The following SBF2 variants were observed in gnomAD, a reference collection of about 807,000 sequenced individuals.
SBF2 encodes myotubularin-related protein 13.
A neutral mutation model predicts 225.2 loss-of-function variants in SBF2; 112 were observed. The observed-to-expected ratio is 0.50, with a 90% CI of 0.43 to 0.58. The LOEUF is 0.58. SBF2 is among the 20% of genes least tolerant of loss of function. SBF2 has a pLI of 0.00. For synonymous variants in SBF2, 763 were observed against 773.3 expected (o/e 0.99, Z 0.22); for missense variants, 1,996 against 2,206.2 (o/e 0.90, Z 1.91).
At chr11:9,849,930 T>C (rs541405489) in intron 22 of SBF2, 93 bp downstream of exon 22, 3 of 1,244,964 alleles carry the variant, frequency 2.4e-6, no homozygotes, top group East Asian at 2.3e-5. Context: ...TGACTTTGGA[T>C]TTAAAATGAT....
At chr11:10,190,937 A>G in intron 2 of SBF2, among the ~76,000 whole-genome samples, 1 of 152,202 alleles carries the variant, frequency 6.6e-6, no homozygotes, top group South Asian at 2.1e-4. Context: ...ACTAAGAGTC[A>G]AAAGATCAGG....
chr11:9,993,202 G>T, intron 10 of SBF2, 99 bp from the exon 11 acceptor site: 2 of 813,488 alleles, frequency 2.5e-6, no homozygotes, highest in Non-Finnish European at 2.0e-6. Context: ...CAAGTCCTTT[G>T]ATTTTTATAT....
chr11:10,225,533 A>C (rs1482680179), intron 1 of SBF2, among the ~76,000 whole-genome samples: 2 of 152,138 alleles, frequency 1.3e-5, no homozygotes, highest in Admixed American at 6.5e-5. Context: ...GCTATTATAA[A>C]TAGAAATTTA....
intron 17 of SBF2, among the ~76,000 whole-genome samples, chr11:9,883,456 G>A (rs1451203592): frequency 6.6e-6 from 1 of 152,066 alleles, no homozygotes; most frequent in East Asian, 1.9e-4. Context: ...CTAGTCTATG[G>A]ATTGACTGAT....
intron 6 of SBF2, among the ~76,000 whole-genome samples, chr11:10,028,087 T>A (rs942163729): frequency 9.9e-5 from 15 of 152,072 alleles, no homozygotes; most frequent in Admixed American, 5.2e-4. Context: ...TGTTTTAAAA[T>A]TTTTTCTGTA....
At chr11:10,262,498 A>G (rs1229117812) in intron 1 of SBF2, among the ~76,000 whole-genome samples, 5 of 152,164 alleles carry the variant, frequency 3.3e-5, no homozygotes, top group African/African-American at 9.7e-5. Flanking sequence ...ACCTGGCAAT[A>G]TGATAATTAT....
At position 10,176,841 on chromosome 11, in the gene SBF2, T is replaced by C. The variant is rs1289760234; in HGVS notation, c.141+17061A>G. Among the ~76,000 whole-genome samples, 42 of 152,330 alleles carry C rather than the reference T, an allele frequency of 2.8e-4. 2 individuals are homozygous for C. The East Asian group carries it at 7.7e-3, about 28-fold the overall frequency. ...AAGGAATCCTCCCTAACTCATTTTA[T>C]GAGGCCAGCATCATCCTGATACCAA... On this transcript the variant is annotated intron_variant, in intron 2 of 39. Coordinates refer to ENST00000256190, the MANE Select transcript of SBF2 (RefSeq NM_030962.4).
At chr11:10,079,430 T>G (rs1381538060) in intron 2 of SBF2, among the ~76,000 whole-genome samples, 1 of 152,138 alleles carries the variant, frequency 6.6e-6, no homozygotes, top group African/African-American at 2.4e-5. Flanking sequence ...AATGAAAAAT[T>G]TATTGAAGAA....
chr11:10,044,231 T>C (rs932817734), intron 2 of SBF2, among the ~76,000 whole-genome samples: 1 of 150,352 alleles, frequency 6.7e-6, no homozygotes, highest in African/African-American at 2.5e-5. Context: ...AATAAGCCTC[T>C]AGCCAGGCTA....
intron 3 of SBF2, among the ~76,000 whole-genome samples, chr11:10,032,358 T>C (rs982889336): frequency 6.6e-6 from 1 of 152,208 alleles, no homozygotes; most frequent in Non-Finnish European, 1.5e-5. Context: ...TTGTGTGGAT[T>C]ACTCTAACAG....
intron 38 of SBF2, among the ~76,000 whole-genome samples, chr11:9,782,821 G>A (rs1181725132): frequency 6.7e-6 from 1 of 149,262 alleles, no homozygotes; most frequent in Non-Finnish European, 1.5e-5. Flanking sequence ...AGTGAGCCGA[G>A]ATTGCACCAC....
At chr11:9,854,733 C>T (rs1215017811) in intron 19 of SBF2, among the ~76,000 whole-genome samples, 1 of 152,146 alleles carries the variant, frequency 6.6e-6, no homozygotes, top group Non-Finnish European at 1.5e-5. Flanking sequence ...GCTAGGACTA[C>T]AGGTGTGTGC....
At chr11:9,808,847 T>A in intron 31 of SBF2, 54 bp downstream of exon 31, 1 of 1,317,442 alleles carries the variant, frequency 7.6e-7, no homozygotes. Flanking sequence ...AATTTAAAAA[T>A]GACCAAATGG....
intron 13 of SBF2, 50 bp from the exon 14 acceptor site, chr11:9,968,595 C>T (rs757939883): frequency 6.9e-7 from 1 of 1,450,140 alleles, no homozygotes; most frequent in South Asian, 1.1e-5. Context: ...ATAACAATGG[C>T]AGATCACCAG....
At chr11:10,302,074 A>G (rs1405311867) in intron 1 of SBF2, among the ~76,000 whole-genome samples, 2 of 152,148 alleles carry the variant, frequency 1.3e-5, no homozygotes, top group Non-Finnish European at 2.9e-5. Flanking sequence ...TCCTTGCTCA[A>G]CGTGAATCTA....
At chr11:10,171,911 G>A (rs1222042212) in intron 2 of SBF2, among the ~76,000 whole-genome samples, 2 of 152,022 alleles carry the variant, frequency 1.3e-5, no homozygotes, top group African/African-American at 2.4e-5. Context: ...ATTTCTTCCA[G>A]GTTTTCCAAT....
intron 1 of SBF2, among the ~76,000 whole-genome samples, chr11:10,229,393 T>C (rs1205432115): frequency 6.6e-6 from 1 of 152,234 alleles, no homozygotes; most frequent in Non-Finnish European, 1.5e-5. Flanking sequence ...CTAGTTCTTT[T>C]AATTGTGATG....
intron 28 of SBF2, among the ~76,000 whole-genome samples, chr11:9,822,560 A>G (rs1465945846): frequency 6.6e-6 from 1 of 151,990 alleles, no homozygotes; most frequent in Non-Finnish European, 1.5e-5. Flanking sequence ...GCACCCGGCC[A>G]CTAAACTCTT....
chr11:9,922,458 C>G (rs1863707746), intron 16 of SBF2, among the ~76,000 whole-genome samples: 1 of 152,034 alleles, frequency 6.6e-6, no homozygotes, highest in South Asian at 2.1e-4. Flanking sequence ...AAGACTTTTA[C>G]ACATATCTGC....
Sources: allele counts gnomAD v4.1 joint callset (sites outside exome capture counted in the v4.1 genomes callset), GRCh38; gene constraint gnomAD v4.1.1; transcripts MANE v1.5; gene names NCBI Gene and HGNC (gene_info 2026-07-23, HGNC 2026-07-21).